ATP6V0A4: variants seen among roughly 807,000 people sequenced by gnomAD.
ATP6V0A4 encodes ATPase H+ transporting V0 subunit a4.
Under a neutral mutation model 107.3 loss-of-function variants are expected in ATP6V0A4, and 86 were observed. The ratio of observed to expected loss-of-function variants is 0.80; its 90% CI spans 0.67 to 0.96. The LOEUF is 0.96. Among genes scored for constraint, ATP6V0A4 ranks in the 40% least tolerant of loss-of-function variants. The pLI, the probability that ATP6V0A4 is intolerant of heterozygous loss-of-function variation, is 0.00. For synonymous variants in ATP6V0A4, 353 were observed against 381.4 expected, an observed-to-expected ratio of 0.93 and a Z score of 0.87; for missense variants, 908 against 1,045.6, an observed-to-expected ratio of 0.87 and a Z score of 1.81.
chr7:138,782,047 G>A (rs762814060), intron 2 of ATP6V0A4, among the ~76,000 whole-genome samples: 3 of 152,122 alleles, frequency 2.0e-5, no homozygotes, highest in East Asian at 1.9e-4. Context: ...CCTGGGGACC[G>A]CAGAATTGGG....
At chr7:138,792,041 G>A (rs1274451302) in intron 1 of ATP6V0A4, among the ~76,000 whole-genome samples, 2 of 152,172 alleles carry the variant, frequency 1.3e-5, no homozygotes, top group Non-Finnish European at 2.9e-5. Flanking sequence ...AGGTGTGGTG[G>A]CTCACGCCTG....
At chr7:138,736,363 G>A (rs892040076) in intron 15 of ATP6V0A4, among the ~76,000 whole-genome samples, 1 of 152,148 alleles carries the variant, frequency 6.6e-6, no homozygotes, top group African/African-American at 2.4e-5. Flanking sequence ...ATGAGATATA[G>A]TTATTCTCAT....
At chr7:138,737,920 C>G (rs1298072364) in intron 15 of ATP6V0A4, among the ~76,000 whole-genome samples, 1 of 152,016 alleles carries the variant, frequency 6.6e-6, no homozygotes, top group Admixed American at 6.6e-5. Flanking sequence ...TGCCACCATG[C>G]CCAGCTAATT....
intron 2 of ATP6V0A4, among the ~76,000 whole-genome samples, chr7:138,781,831 G>T (rs1312324352): frequency 1.0e-5 from 1 of 98,138 alleles, no homozygotes; most frequent in Non-Finnish European, 2.2e-5. Flanking sequence ...ATTTTTCTCT[G>T]TCTCTCTCTC....
At chr7:138,794,962 A>G (rs1318822085) in intron 1 of ATP6V0A4, among the ~76,000 whole-genome samples, 2 of 151,776 alleles carry the variant, frequency 1.3e-5, no homozygotes, top group East Asian at 3.9e-4. Context: ...CAGTGGCACA[A>G]TCACGGTTCA....
chr7:138,761,662 T>A (rs1354866375), intron 7 of ATP6V0A4, among the ~76,000 whole-genome samples: 1 of 151,512 alleles, frequency 6.6e-6, no homozygotes, highest in Non-Finnish European at 1.5e-5. Flanking sequence ...TCCAAATGCA[T>A]TTTATTATCA....
At position 138,763,031 on chromosome 7, in the gene ATP6V0A4, CA is replaced by C; in HGVS notation, c.292-7del. On this transcript the variant is annotated splice_region_variant and splice_polypyrimidine_tract_variant and intron_variant, in intron 5 of 21. Transcript: ENST00000310018. ...TCCAGTTTTTCTAGAACAGTCTATG[CA>C]GGAAGGAAAAAGAAGGTAAGCCAAC... 6.2e-7 allele frequency: 1 copy of C among 1,613,866 alleles called. No individual in the cohort carries two copies. The highest frequency in any genetic ancestry group is 8.5e-7 in the Non-Finnish European group (1 of 1,179,994).
intron 12 of ATP6V0A4, among the ~76,000 whole-genome samples, chr7:138,748,283 G>A (rs1806057360): frequency 6.6e-6 from 1 of 152,118 alleles, no homozygotes; most frequent in East Asian, 1.9e-4. Flanking sequence ...TTGCTCGCAG[G>A]GACCCTCAAC....
At chr7:138,733,248 G>T in intron 16 of ATP6V0A4, 155 bp from the exon 17 acceptor site, 1 of 723,530 alleles carries the variant, frequency 1.4e-6, no homozygotes, top group Non-Finnish European at 1.6e-6. Flanking sequence ...CCAGCAAACA[G>T]CAATCCTGTA....
rs1806907874 is a variant in ATP6V0A4 at position 138,763,042 on chromosome 7, A to G, written c.292-17T>C. 6.2e-7 allele frequency: 1 copy of G among 1,613,834 alleles called. No homozygotes were observed. The highest frequency in any genetic ancestry group is 1.7e-5 in the Admixed American group (1 of 59,952). Reference sequence around the variant, plus strand: ...TAGAACAGTCTATGCAGGAAGGAAAAAGAAGGTAAGCCAACAGAAAGTGCT... The same window carrying G: ...TAGAACAGTCTATGCAGGAAGGAAAGAGAAGGTAAGCCAACAGAAAGTGCT... On this transcript the variant is annotated splice_polypyrimidine_tract_variant and intron_variant, in intron 5 of 21. Coordinates refer to ENST00000310018, the MANE Select transcript of ATP6V0A4 (RefSeq NM_020632.3).
intron 20 of ATP6V0A4, among the ~76,000 whole-genome samples, chr7:138,711,388 G>T (rs2117181979): frequency 6.6e-6 from 1 of 152,290 alleles, no homozygotes; most frequent in Admixed American, 6.5e-5. Flanking sequence ...ACGTGTGAAT[G>T]CTTCTTCCCT....
In ATP6V0A4 at chr7:138,755,780, A is replaced by G. The variant is rs746392396; in HGVS notation, c.725T>C (p.Phe242Ser). The change falls in exon 10 of 22, where the codon TTT (phenylalanine) becomes TCT (serine). Residue 242 changes from phenylalanine to serine, a missense_variant and splice_region_variant. Transcript: ENST00000310018. ...RQKIKKICDG[F>S]RATVYPCPEP... ...TGGGCAAGGGTAGACAGTGGCTCGAAACCTGTGTTTAATATATTCCAAAGG... is the reference window on the plus strand; with the variant it reads ...TGGGCAAGGGTAGACAGTGGCTCGAGACCTGTGTTTAATATATTCCAAAGG... The G allele has an allele frequency of 3.7e-6, 6 of 1,612,830 alleles. No homozygotes were observed. Among genetic ancestry groups the G allele is most frequent in the Non-Finnish European group, 5.1e-6 (6 of 1,180,010 alleles).
chr7:138,734,601 AC>A (rs1425794503), intron 15 of ATP6V0A4, among the ~76,000 whole-genome samples: 1 of 151,742 alleles, frequency 6.6e-6, no homozygotes, highest in Non-Finnish European at 1.5e-5. Flanking sequence ...ACCTGGCGAA[AC>A]CCTGTCTCTA....
intron 15 of ATP6V0A4, among the ~76,000 whole-genome samples, chr7:138,739,300 AT>A (rs112225172): frequency 0.029 from 4,391 of 152,276 alleles, 200 homozygotes; most frequent in African/African-American, 0.1. Flanking sequence ...CAGGGATATG[AT>A]TGATGGAGAA....
chr7:138,787,430 C>A (rs1352483390), intron 1 of ATP6V0A4, among the ~76,000 whole-genome samples: 1 of 152,132 alleles, frequency 6.6e-6, no homozygotes, highest in Non-Finnish European at 1.5e-5. Context: ...AAACTGGAAT[C>A]CAGGACTCTT....
intron 15 of ATP6V0A4, among the ~76,000 whole-genome samples, chr7:138,735,397 T>G (rs1318276498): frequency 6.6e-6 from 1 of 152,182 alleles, no homozygotes; most frequent in Non-Finnish European, 1.5e-5. Context: ...CCTTTTCTGC[T>G]AAATGACTTC....
intron 5 of ATP6V0A4, 153 bp from the exon 6 acceptor site, chr7:138,763,178 C>CACACACAG (rs1237897579): frequency 2.7e-6 from 1 of 374,826 alleles, no homozygotes; most frequent in South Asian, 8.4e-5. Context: ...CACACACAGA[C>CACACACAG]ACACACAGAC....
At chr7:138,747,607 CT>C in intron 12 of ATP6V0A4, 43 bp from the exon 13 acceptor site, 1 of 1,607,302 alleles carries the variant, frequency 6.2e-7, no homozygotes, top group Non-Finnish European at 8.5e-7. Context: ...TCAGCACAGC[CT>C]CGGGGCCCCC....
intron 3 of ATP6V0A4, 61 bp from the exon 4 acceptor site, chr7:138,769,312 C>CAT: frequency 7.5e-7 from 1 of 1,325,904 alleles, no homozygotes; most frequent in Non-Finnish European, 9.8e-7. Flanking sequence ...AGATTTCTTT[C>CAT]TTTTTTTTTT....
Sources: allele counts gnomAD v4.1 joint callset (sites outside exome capture counted in the v4.1 genomes callset), GRCh38; gene constraint gnomAD v4.1.1; transcripts MANE v1.5; gene names NCBI Gene and HGNC (gene_info 2026-07-23, HGNC 2026-07-21).